Variants in ATP10B observed in about 807,000 individuals in gnomAD.
ATP10B encodes the protein ATPase phospholipid transporting 10B (putative).
Under a neutral mutation model 141.2 loss-of-function variants are expected in ATP10B, and 122 were observed. The ratio of observed to expected loss-of-function variants is 0.86; its 90% confidence interval spans 0.75 to 1.00. The LOEUF is 1.00. Among genes scored for constraint, ATP10B ranks in the 50% least tolerant of loss-of-function variants. The pLI is 0.00. For missense variants in ATP10B, 1,876 were observed against 1,825.3 expected, an observed-to-expected ratio of 1.03 and a Z score of -0.51; for synonymous variants, 685 against 692.0, an observed-to-expected ratio of 0.99 and a Z score of 0.16.
the ATP10B span, among the ~76,000 whole-genome samples, chr5:160,911,590 A>G: frequency 6.6e-6 from 1 of 152,170 alleles, no homozygotes; most frequent in African/African-American, 2.4e-5. Flanking sequence ...GCATATTGAA[A>G]CTTTACCCCA....
At chr5:160,633,399 T>C (rs1174588272) in intron 12 of ATP10B, 2 of 152,274 alleles carry the variant, frequency 1.3e-5, no homozygotes, top group Non-Finnish European at 2.9e-5. Context: ...GATGAGTTCA[T>C]GTCCTTTGCA....
At chr5:160,598,181 T>C (rs990613179) in intron 22 of ATP10B, among the ~76,000 whole-genome samples, 1 of 151,722 alleles carries the variant, frequency 6.6e-6, no homozygotes, top group African/African-American at 2.4e-5. Flanking sequence ...ATGTGGCACA[T>C]ATACACCATG....
chr5:160,727,106 C>T (rs933511703), intron 2 of ATP10B, among the ~76,000 whole-genome samples: 6 of 152,214 alleles, frequency 3.9e-5, no homozygotes, highest in Non-Finnish European at 7.3e-5. Flanking sequence ...GAGGCTGTGT[C>T]ACGGATGGGT....
chr5:160,639,659 T>C (rs10085004), intron 10 of ATP10B, among the ~76,000 whole-genome samples: 134,568 of 152,186 alleles, frequency 0.88, 59,781 homozygotes, highest in African/African-American at 0.95. Context: ...CGCAGTGGTC[T>C]GCAACATTTT....
the ATP10B span, among the ~76,000 whole-genome samples, chr5:160,920,571 G>A: frequency 6.6e-6 from 1 of 152,116 alleles, no homozygotes; most frequent in African/African-American, 2.4e-5. Context: ...TAACAAAATG[G>A]GTCCTGTTTA....
At chr5:160,735,166 C>A (rs939719551) in intron 2 of ATP10B, among the ~76,000 whole-genome samples, 1 of 148,772 alleles carries the variant, frequency 6.7e-6, no homozygotes, top group Non-Finnish European at 1.5e-5. Context: ...TCAAGAATAG[C>A]ACTGAATGTA....
intron 3 of ATP10B, among the ~76,000 whole-genome samples, chr5:160,705,655 G>A (rs1764970319): frequency 6.6e-6 from 1 of 152,198 alleles, no homozygotes; most frequent in South Asian, 2.1e-4. Flanking sequence ...TGGCTTAAGG[G>A]AGTGTTGTGG....
intron 2 of ATP10B, among the ~76,000 whole-genome samples, chr5:160,734,674 G>A (rs915353315): frequency 2.0e-5 from 3 of 151,762 alleles, no homozygotes; most frequent in Non-Finnish European, 4.4e-5. Context: ...AGGAAAAGAG[G>A]AACAACAACT....
At chr5:160,725,697 GGC>G (rs1193972444) in intron 2 of ATP10B, among the ~76,000 whole-genome samples, 21 of 152,060 alleles carry the variant, frequency 1.4e-4, no homozygotes, top group Non-Finnish European at 2.6e-4. Flanking sequence ...TGCCCGCCTT[GGC>G]CTCCCAAAGT....
At chr5:160,919,052 C>T in the ATP10B span, among the ~76,000 whole-genome samples, 3 of 149,738 alleles carry the variant, frequency 2.0e-5, no homozygotes, top group Non-Finnish European at 3.0e-5. Context: ...GGTGAAACCC[C>T]GTCTCTACTA....
rs192896866 is a variant in ATP10B, at chr5:160,595,627, A to C, written c.3564+3143T>G. ...AGCTGGTTTTTTGAAAAGATCAACAAAATTGAGAGACTGCTAGCAAGATTA... is the reference window on the plus strand; with the variant it reads ...AGCTGGTTTTTTGAAAAGATCAACACAATTGAGAGACTGCTAGCAAGATTA... On this transcript the variant is annotated intron_variant, in intron 22 of 25. Coordinates refer to ENST00000327245, the MANE Select transcript of ATP10B (RefSeq NM_025153.3). Among the ~76,000 whole-genome samples, 1,447 of 152,316 alleles carry C rather than the reference A, an allele frequency of 9.5e-3. 20 individuals are homozygous for C. Among genetic ancestry groups the C allele is most frequent in the African/African-American group, 0.03 (1,262 of 41,552 alleles).
chr5:160,804,364 A>T (rs1472104141), intron 1 of ATP10B, among the ~76,000 whole-genome samples: 1 of 152,174 alleles, frequency 6.6e-6, no homozygotes, highest in African/African-American at 2.4e-5. Context: ...CTCAGTGTCT[A>T]CTTCTGGGGT....
At position 160,615,924 on chromosome 5, in the gene ATP10B, C is replaced by T. The variant is rs201403690; in HGVS notation, c.2567G>A (p.Arg856Gln). ...GTCGAGGGATGCCTCAGCCTCACGC[C>T]GGAAACTGGCCCATCTCCGGAAGTC... ...EEDFRRWASF[R>Q]REAEASLDNR... is the part of the protein sequence containing the mutation. Residue 856 changes from arginine (R) to glutamine (Q), a missense_variant, in exon 17 of 26, where the codon CGG becomes CAG. Physicochemically the swap from Arg to Gln is conservative, Grantham distance 43. Transcript: ENST00000327245. 135 of 1,613,786 alleles carry T rather than the reference C, an allele frequency of 8.4e-5. No individual in the cohort carries two copies. The highest frequency in any genetic ancestry group is 1.7e-4 in the African/African-American group (13 of 75,022).
At chr5:160,593,874 T>A (rs1756497100) in intron 22 of ATP10B, among the ~76,000 whole-genome samples, 1 of 152,142 alleles carries the variant, frequency 6.6e-6, no homozygotes, top group Non-Finnish European at 1.5e-5. Flanking sequence ...CCAAGAAATA[T>A]GGGACTATGT....
At chr5:160,864,285 C>A in the ATP10B span, among the ~76,000 whole-genome samples, 1 of 151,798 alleles carries the variant, frequency 6.6e-6, no homozygotes. Flanking sequence ...ATATACAAGT[C>A]AATAAATGTG....
At chr5:160,876,472 A>G in the ATP10B span, among the ~76,000 whole-genome samples, 1 of 149,268 alleles carries the variant, frequency 6.7e-6, no homozygotes, top group African/African-American at 2.4e-5. Flanking sequence ...CACAATTAAA[A>G]GAACTAGAAA....
chr5:160,613,750 T>C (rs1158495924), intron 17 of ATP10B: 1 of 152,220 alleles, frequency 6.6e-6, no homozygotes, highest in Non-Finnish European at 1.5e-5. Context: ...GATTCCATAA[T>C]TTTTGAAGGA....
the ATP10B span, among the ~76,000 whole-genome samples, chr5:160,927,910 T>C: frequency 6.6e-6 from 1 of 152,228 alleles, no homozygotes; most frequent in African/African-American, 2.4e-5. Context: ...GAGATGGCCT[T>C]TGAGCCGAAA....
At chr5:160,595,170 A>C (rs1233348609) in intron 22 of ATP10B, among the ~76,000 whole-genome samples, 2 of 152,362 alleles carry the variant, frequency 1.3e-5, no homozygotes, top group East Asian at 3.9e-4. Flanking sequence ...ATGTAAAAGA[A>C]CAGAAATTAT....
Sources: gnomAD v4.1 joint callset for allele counts (sites outside exome capture counted in the v4.1 genomes callset) on GRCh38, gnomAD v4.1.1 for gene constraint, MANE v1.5 for transcripts, NCBI Gene and HGNC (gene_info 2026-07-23, HGNC 2026-07-21) for gene names.